The following PRC1 variants were observed in gnomAD, a reference collection of about 807,000 sequenced individuals.
PRC1 encodes the protein anaphase spindle elongation 1 homolog.
Under a neutral mutation model 91.2 loss-of-function variants are expected in PRC1, and 54 were observed. The ratio of observed to expected loss-of-function variants is 0.59; its 90% CI spans 0.48 to 0.74. PRC1 has a LOEUF of 0.74. PRC1 is among the 30% of genes least tolerant of loss of function. The probability of loss-of-function intolerance (pLI) is 0.00; values close to 1 mark genes in which losing one functional copy is unlikely to be tolerated. For synonymous variants in PRC1, 275 were observed against 263.6 expected, an observed-to-expected ratio of 1.04 and a Z score of -0.42; for missense variants, 727 against 746.2, an observed-to-expected ratio of 0.97 and a Z score of 0.30.
chr15:90,968,030 A>G lies in PRC1; in HGVS notation c.1792-828T>C, dbSNP rs12910825. 404,918 of 984,838 alleles carry G rather than the reference A, an allele frequency of 0.41. 94,196 individuals carry two copies. The highest frequency in any genetic ancestry group is 0.99 in the East Asian group (8,754 of 8,814). 61.0% of individuals were successfully genotyped at this position (984,838 alleles called of 1,614,324 possible). A position where few individuals can be genotyped will look rare whatever the true frequency, so the allele number is the denominator to read the frequency against. On this transcript the variant is annotated intron_variant, in intron 14 of 14. Transcript: ENST00000394249. ...AGCAAAAGATAAAGCATGAATGGCT[A>G]TTGAGAAAGACAGATATTAGCAGAG...
intron 14 of PRC1, 65 bp from the exon 15 acceptor site, chr15:90,967,267 G>A (rs543407351): frequency 1.0e-4 from 140 of 1,395,640 alleles, no homozygotes; most frequent in Middle Eastern, 1.8e-4. Context: ...ACCCTTCTAA[G>A]TTTGGTTAAG....
Position 90,974,549 on chromosome 15 carries a change from C to T in PRC1, c.1350+36G>A, listed in dbSNP as rs746098600. ...TATGGGCTGCTCAGATTACTTTCTT[C>T]GTCTTTTCCCAATTTGCGTTCACGT... On this transcript the variant is annotated intron_variant, in intron 10 of 14. Coordinates refer to ENST00000394249, the MANE Select transcript of PRC1 (RefSeq NM_003981.4). This position sits in a 1 kb window ranked among gnomAD's most constrained non-coding sequence, Gnocchi z 4.6. 5.0e-6 allele frequency: 8 copies of T among 1,612,886 alleles called. No homozygotes were observed. The highest frequency in any genetic ancestry group is 6.8e-6 in the Non-Finnish European group (8 of 1,179,662).
intron 9 of PRC1, among the ~76,000 whole-genome samples, chr15:90,976,068 A>G (rs959929539): frequency 3.3e-5 from 5 of 152,082 alleles, no homozygotes; most frequent in African/African-American, 1.2e-4. Flanking sequence ...GAAACTGCCC[A>G]GTCCGTAGTG....
At chr15:90,980,099 CT>C in intron 7 of PRC1, 142 bp downstream of exon 7, 2 of 999,700 alleles carry the variant, frequency 2.0e-6, no homozygotes, top group South Asian at 2.6e-5. Context: ...GAAGACCCCA[CT>C]TTTGGCTGGG....
At position 90,967,217 on chromosome 15, in the gene PRC1, A is replaced by G. The variant is rs753661272; in HGVS notation, c.1792-15T>C. On this transcript the variant is annotated splice_polypyrimidine_tract_variant and intron_variant, in intron 14 of 14. Transcript: ENST00000394249. ...GAAAGTTCTCGCTGTTGAAAAATAA[A>G]TAACATCAGTGGCCATACTGCCTCT... 14 of 1,609,038 alleles carry G rather than the reference A, an allele frequency of 8.7e-6. No homozygotes were observed. Among genetic ancestry groups the G allele is most frequent in the East Asian group, 2.2e-5 (1 of 44,878 alleles).
Position 90,981,659 on chromosome 15 carries a change from C to T in PRC1, c.512G>A (p.Arg171His), listed in dbSNP as rs745492955. 30 of 1,613,486 alleles carry T rather than the reference C, an allele frequency of 1.9e-5. No individual in the cohort carries two copies. The highest frequency in any genetic ancestry group is 8.9e-5 in the East Asian group (4 of 44,886). The change falls in exon 5 of 15, where the codon CGT becomes CAT. Residue 171 changes from arginine to histidine, a missense_variant. Arg to His is a conservative substitution (Grantham distance 29). Coordinates refer to ENST00000394249, the MANE Select transcript of PRC1 (RefSeq NM_003981.4). ...TCTCTTTATACTGACAAACTCCTCA[C>T]GCCTAGAAGCCTTTAAAACAAAGCA... ...TTLRETKASR[R>H]EEFVSIKRQI...
chr15:90,971,149 GA>G (rs2038089281), intron 11 of PRC1, among the ~76,000 whole-genome samples: 1 of 152,194 alleles, frequency 6.6e-6, no homozygotes, highest in South Asian at 2.1e-4. Flanking sequence ...GGCAAACTAG[GA>G]GCCAGGGAAG....
rs956661658 is a variant in PRC1, at chr15:90,984,624, T to G, written c.144+69A>C. On this transcript the variant is annotated intron_variant, in intron 2 of 14. Transcript: ENST00000394249. The surrounding 1 kb of genome is among the most constrained non-coding windows in gnomAD (Gnocchi z 5.1). ...CCGATGATCACATGTCCCTTCTGTA[T>G]GCTATCTCGGGTGAGACACCAACAT... The G allele has an allele frequency of 6.3e-7, 1 of 1,583,376 alleles. No individual in the cohort carries two copies. Among genetic ancestry groups the G allele is most frequent in the African/African-American group, 1.4e-5 (1 of 74,058 alleles).
rs1297307093 is a variant in PRC1, at chr15:90,979,314, T to C, written c.971-20A>G. 2 of 1,599,418 alleles carry C rather than the reference T, an allele frequency of 1.3e-6. No individual in the cohort carries two copies. The highest frequency in any genetic ancestry group is 1.8e-5 in the Admixed American group (1 of 55,228). On this transcript the variant is annotated intron_variant, in intron 7 of 14. Coordinates refer to ENST00000394249, the MANE Select transcript of PRC1 (RefSeq NM_003981.4). Reference sequence around the variant, plus strand: ...AGTCCTCTGCAAAATATAGGCCCAGTAGTTTAAAACAATTCCTCTAGTATT... The same window carrying C: ...AGTCCTCTGCAAAATATAGGCCCAGCAGTTTAAAACAATTCCTCTAGTATT...
intron 13 of PRC1, 140 bp downstream of exon 13, chr15:90,969,307 C>A: frequency 7.9e-7 from 1 of 1,261,810 alleles, no homozygotes; most frequent in Non-Finnish European, 1.1e-6. Flanking sequence ...CCCACCCTGC[C>A]ATGGTCAAAG....
At position 90,974,551 on chromosome 15, in the gene PRC1, T is replaced by C. The variant is rs1469957554; in HGVS notation, c.1350+34A>G. The C allele has an allele frequency of 6.2e-7, 1 of 1,613,434 alleles. No individual in the cohort carries two copies. Among genetic ancestry groups the C allele is most frequent in the Non-Finnish European group, 8.5e-7 (1 of 1,179,820 alleles). ...TGGGCTGCTCAGATTACTTTCTTCG[T>C]CTTTTCCCAATTTGCGTTCACGTTC... is the stretch of plus-strand genomic sequence containing the variant. On this transcript the variant is annotated intron_variant, in intron 10 of 14. Transcript: ENST00000394249. This position sits in a 1 kb window ranked among gnomAD's most constrained non-coding sequence, Gnocchi z 4.6.
chr15:90,987,791 T>C (rs1423374382), intron 1 of PRC1: 2 of 152,132 alleles, frequency 1.3e-5, no homozygotes, highest in Non-Finnish European at 2.9e-5. Flanking sequence ...ATTAGCCCCT[T>C]TCTGTCTCAG....
chr15:90,968,570 C>CA, intron 14 of PRC1: 1 of 989,986 alleles, frequency 1.0e-6, no homozygotes, highest in Non-Finnish European at 1.2e-6. Context: ...TCCAGTGCTT[C>CA]ATCTATGCTT....
chr15:90,975,958 A>G (rs987125885), intron 9 of PRC1, among the ~76,000 whole-genome samples: 1 of 152,328 alleles, frequency 6.6e-6, no homozygotes, highest in South Asian at 2.1e-4. Flanking sequence ...CCATTTACAA[A>G]GCCAAGGAGA....
chr15:90,981,112 G>T, intron 5 of PRC1, 79 bp from the exon 6 acceptor site: 1 of 1,566,350 alleles, frequency 6.4e-7, no homozygotes. Flanking sequence ...GCAAAGAAAT[G>T]TCTGGAGTAG....
At position 90,981,762 on chromosome 15, in the gene PRC1, A is replaced by T. The variant is rs1358530076; in HGVS notation, c.487T>A (p.Leu163Met). The change falls in exon 4 of 15, where the codon TTG (leucine) becomes ATG (methionine). Residue 163 changes from leucine to methionine, a missense_variant. Transcript: ENST00000394249. ...LNQFRQHVTT[L>M]RETKASRREE... ...AGGCAGTGTACCTTTGTTTCCCTCA[A>T]AGTTGTCACATGTTGCCTGAACTGG... is the stretch of plus-strand genomic sequence containing the variant. 1 of 1,610,870 alleles carries T rather than the reference A, an allele frequency of 6.2e-7. No individual in the cohort carries two copies. The highest frequency in any genetic ancestry group is 1.1e-5 in the South Asian group (1 of 90,862).
intron 8 of PRC1, 142 bp downstream of exon 8, chr15:90,979,016 C>T: frequency 9.3e-7 from 1 of 1,074,356 alleles, no homozygotes; most frequent in Non-Finnish European, 1.3e-6. Flanking sequence ...GCTTATCAAA[C>T]AGAGGCGGTC....
intron 1 of PRC1, among the ~76,000 whole-genome samples, chr15:90,986,419 A>C (rs2039578930): frequency 6.6e-6 from 1 of 152,202 alleles, no homozygotes; most frequent in Non-Finnish European, 1.5e-5. Flanking sequence ...ACTTGAGGTC[A>C]GGAGACCAGC....
intron 11 of PRC1, among the ~76,000 whole-genome samples, chr15:90,973,318 T>C (rs764127841): frequency 4.3e-4 from 66 of 152,354 alleles, no homozygotes; most frequent in Non-Finnish European, 7.6e-4. Context: ...GTTAACAATA[T>C]GTTTACAGGC....
Sources: gnomAD v4.1 joint callset for allele counts (sites outside exome capture counted in the v4.1 genomes callset) on GRCh38, gnomAD v4.1.1 for gene constraint, Gnocchi (gnomAD v3.1) non-coding constraint, MANE v1.5 for transcripts, NCBI Gene and HGNC (gene_info 2026-07-23, HGNC 2026-07-21) for gene names.